Variants in ZFYVE28 observed in about 807,000 individuals in gnomAD.
The protein encoded by ZFYVE28 is zinc finger FYVE-type containing 28.
In ZFYVE28, 40 loss-of-function variants were observed where a neutral mutation model predicts 82.1. The observed-to-expected ratio is 0.49, with a 90% CI of 0.38 to 0.63. The LOEUF (loss-of-function observed/expected upper bound fraction) is 0.63. Ranked by LOEUF, ZFYVE28 falls within the 30% of genes least tolerant of loss-of-function variation. The probability of loss-of-function intolerance (pLI) is 0.00; values close to 1 mark genes in which losing one functional copy is unlikely to be tolerated. For missense variants in ZFYVE28, 1,321 were observed against 1,242.1 expected (o/e 1.06, Z -0.96); for synonymous variants, 612 against 546.1 (o/e 1.12, Z -1.68).
At chr4:2,324,566 C>CA (rs1463169765) in intron 6 of ZFYVE28, 2 of 179,196 alleles carry the variant, frequency 1.1e-5, no homozygotes, top group African/African-American at 4.7e-5. Flanking sequence ...CCCCAGATGA[C>CA]AAAAATTACC....
At chr4:2,393,137 GCCCCAGAGGAGACC>G (rs1730015084) in intron 1 of ZFYVE28, among the ~76,000 whole-genome samples, 2 of 152,186 alleles carry the variant, frequency 1.3e-5, no homozygotes, top group African/African-American at 4.8e-5. Context: ...CATCTGCAGA[GCCCCAGAGGAGACC>G]CCCACAGCTC....
chr4:2,304,827 C>G lies in ZFYVE28; in HGVS notation c.1513G>C (p.Ala505Pro), dbSNP rs543648457. Reference protein sequence around the residue: ...ADDAETAEMIAHRTGGMKLSA... With the variant: ...ADDAETAEMIPHRTGGMKLSA... ...AGCTTCATGCCCCCTGTCCGGTGGG[C>G]GATCATCTCAGCCGTCTCTGCGTCA... The change falls in exon 8 of 13, where the codon GCC (alanine) becomes CCC (proline). Residue 505 changes from alanine (A) to proline (P), a missense_variant. By Grantham distance (27) the Ala-to-Pro change is conservative. Transcript: ENST00000290974. 6.2e-7 allele frequency: 1 copy of G among 1,612,620 alleles called. No homozygotes were observed. Among genetic ancestry groups the G allele is most frequent in the Admixed American group, 1.7e-5 (1 of 60,030 alleles).
intron 7 of ZFYVE28, among the ~76,000 whole-genome samples, chr4:2,314,080 G>A (rs1717875516): frequency 6.6e-6 from 1 of 152,104 alleles, no homozygotes; most frequent in South Asian, 2.1e-4. Flanking sequence ...TTACAGCTAT[G>A]TTATTCAGCC....
intron 8 of ZFYVE28, among the ~76,000 whole-genome samples, chr4:2,290,777 G>A (rs1173941316): frequency 6.6e-6 from 1 of 152,110 alleles, no homozygotes; most frequent in Non-Finnish European, 1.5e-5. Flanking sequence ...CCCCTATTAA[G>A]TCCAAGCACA....
chr4:2,338,160 G>A (rs564118092), intron 4 of ZFYVE28, among the ~76,000 whole-genome samples: 8 of 152,334 alleles, frequency 5.3e-5, no homozygotes, highest in Non-Finnish European at 7.4e-5. Flanking sequence ...ATGAACCTCC[G>A]CACGTGGACC....
chr4:2,297,732 A>G (rs1361736932), intron 8 of ZFYVE28, among the ~76,000 whole-genome samples: 3 of 152,054 alleles, frequency 2.0e-5, no homozygotes, highest in Non-Finnish European at 4.4e-5. Context: ...GAGGAACGGC[A>G]GAGGACGAGC....
At chr4:2,336,823 G>A (rs1721824029) in intron 5 of ZFYVE28, among the ~76,000 whole-genome samples, 1 of 148,382 alleles carries the variant, frequency 6.7e-6, no homozygotes, top group Non-Finnish European at 1.5e-5. Flanking sequence ...GGTGTGGATT[G>A]AGGAGGTGAG....
At chr4:2,413,832 G>A (rs1422171156) in intron 1 of ZFYVE28, among the ~76,000 whole-genome samples, 1 of 152,104 alleles carries the variant, frequency 6.6e-6, no homozygotes, top group East Asian at 1.9e-4. Context: ...GCACATGCCA[G>A]TGACTGCCCT....
At chr4:2,370,345 A>G (rs1185826691) in intron 1 of ZFYVE28, among the ~76,000 whole-genome samples, 1 of 152,140 alleles carries the variant, frequency 6.6e-6, no homozygotes, top group Non-Finnish European at 1.5e-5. Context: ...GGCCCTGACC[A>G]TCACTCGGCC....
chr4:2,414,853 G>A (rs1415782982), intron 1 of ZFYVE28, among the ~76,000 whole-genome samples: 1 of 152,180 alleles, frequency 6.6e-6, no homozygotes, highest in African/African-American at 2.4e-5. Flanking sequence ...TTTTGTTTCA[G>A]ATGAAGACAC....
At chr4:2,391,597 T>C (rs550826809) in intron 1 of ZFYVE28, among the ~76,000 whole-genome samples, 1 of 151,046 alleles carries the variant, frequency 6.6e-6, no homozygotes, top group South Asian at 2.1e-4. Flanking sequence ...TCCCCAGAAC[T>C]TTCTCACCTT....
At chr4:2,284,886 C>T (rs538599212) in intron 8 of ZFYVE28, among the ~76,000 whole-genome samples, 5 of 152,274 alleles carry the variant, frequency 3.3e-5, no homozygotes, top group Admixed American at 1.3e-4. Flanking sequence ...GAGTCTAGTA[C>T]GGCAAGGATT....
chr4:2,355,908 T>C (rs1235478252), intron 1 of ZFYVE28, among the ~76,000 whole-genome samples: 2 of 152,208 alleles, frequency 1.3e-5, no homozygotes, highest in Non-Finnish European at 2.9e-5. Flanking sequence ...GGACTCTTTA[T>C]AATCACAGAG....
chr4:2,291,711 C>T (rs1320918165), intron 8 of ZFYVE28, among the ~76,000 whole-genome samples: 1 of 152,206 alleles, frequency 6.6e-6, no homozygotes, highest in Non-Finnish European at 1.5e-5. Context: ...AGCTCCTTCT[C>T]CTGGAGCCCC....
intron 8 of ZFYVE28, among the ~76,000 whole-genome samples, chr4:2,276,932 C>T (rs551935486): frequency 6.6e-5 from 10 of 151,690 alleles, no homozygotes; most frequent in South Asian, 2.1e-4. Flanking sequence ...CGAAATTGTA[C>T]GCTTAGGAAG....
chr4:2,327,503 C>T (rs3135116), intron 6 of ZFYVE28, among the ~76,000 whole-genome samples: 114,870 of 151,188 alleles, frequency 0.76, 43,982 homozygotes, highest in Middle Eastern at 0.84. Context: ...TTGAGTATAA[C>T]GTTAGCTGTG....
At chr4:2,343,975 A>G (rs1268635837) in intron 2 of ZFYVE28, among the ~76,000 whole-genome samples, 1 of 152,136 alleles carries the variant, frequency 6.6e-6, no homozygotes, top group Non-Finnish European at 1.5e-5. Context: ...AGTAATAGGA[A>G]CCCAGTTTAC....
rs371931922 is a variant in ZFYVE28, at chr4:2,355,013, TCTTCAA to T, written c.40-946_40-941del. ...AAACACGCAGGGGCTCAGAAGCTGGTCTTCAACTGCAACCACCACACGCCCCAACCC... is the reference window on the plus strand; with the variant it reads ...AAACACGCAGGGGCTCAGAAGCTGGTCTGCAACCACCACACGCCCCAACCC... On this transcript the variant is annotated intron_variant, in intron 1 of 12. Transcript: ENST00000290974. Among the ~76,000 whole-genome samples the T allele has an allele frequency of 6.7e-3, 1,015 of 150,936 alleles. 10 individuals carry two copies. The highest frequency in any genetic ancestry group is 9.9e-3 in the Non-Finnish European group (667 of 67,648).
chr4:2,378,312 A>C (rs549574783), intron 1 of ZFYVE28, among the ~76,000 whole-genome samples: 72 of 152,278 alleles, frequency 4.7e-4, no homozygotes, highest in Admixed American at 7.8e-4. Flanking sequence ...CCACACTCCA[A>C]CCTGGGTGAC....
Sources: gnomAD v4.1 joint callset for allele counts (sites outside exome capture counted in the v4.1 genomes callset) on GRCh38, gnomAD v4.1.1 for gene constraint, MANE v1.5 for transcripts, NCBI Gene and HGNC (gene_info 2026-07-23, HGNC 2026-07-21) for gene names.